Variants in ERICH1 observed in about 807,000 individuals in gnomAD.
The protein encoded by ERICH1 is glutamate-rich protein 1.
ERICH1 carries 56 observed loss-of-function variants against 39.6 expected under a neutral mutation model. The ratio of observed to expected loss-of-function variants is 1.41; its 90% confidence interval spans 1.14 to 1.77. ERICH1 has a LOEUF of 1.77. Among genes scored for constraint, ERICH1 ranks in the 40% most tolerant of loss-of-function variants. The probability of loss-of-function intolerance (pLI) is 0.00; values close to 1 mark genes in which losing one functional copy is unlikely to be tolerated. For missense variants in ERICH1, 826 were observed against 575.4 expected (o/e 1.44, Z -4.45); for synonymous variants, 313 against 223.6 (o/e 1.40, Z -3.57).
chr8:632,945 C>A, intron 3 of ERICH1, among the ~76,000 whole-genome samples: 1 of 152,200 alleles, frequency 6.6e-6, no homozygotes, highest in East Asian at 1.9e-4. Context: ...AGCAAAGAGC[C>A]GTTTAGGCAA....
chr8:701,854 G>A (rs1304457801), intron 2 of ERICH1, among the ~76,000 whole-genome samples: 1 of 152,090 alleles, frequency 6.6e-6, no homozygotes, highest in Non-Finnish European at 1.5e-5. Context: ...CACTTTGGGA[G>A]GCTGAGGCAA....
intron 3 of ERICH1, among the ~76,000 whole-genome samples, chr8:650,148 G>A (rs1184473748): frequency 6.6e-6 from 1 of 152,216 alleles, no homozygotes; most frequent in African/African-American, 2.4e-5. Flanking sequence ...AGCTGAGGGC[G>A]CTTGCGTGTC....
At chr8:635,015 C>A (rs770484842) in intron 3 of ERICH1, among the ~76,000 whole-genome samples, 2 of 152,012 alleles carry the variant, frequency 1.3e-5, no homozygotes, top group Non-Finnish European at 2.9e-5. Context: ...AGCCTGGCCA[C>A]CCGTGGCTTC....
At chr8:676,645 A>G (rs950739200) in intron 3 of ERICH1, among the ~76,000 whole-genome samples, 7 of 152,196 alleles carry the variant, frequency 4.6e-5, no homozygotes, top group Admixed American at 3.3e-4. Flanking sequence ...CAGACGGCAC[A>G]TGGCGCACAC....
intron 5 of ERICH1, among the ~76,000 whole-genome samples, chr8:665,520 C>G (rs1265328709): frequency 6.6e-6 from 1 of 152,190 alleles, no homozygotes; most frequent in Admixed American, 6.5e-5. Flanking sequence ...CAGGCTCCAT[C>G]CCGCCCAGGG....
chr8:670,307 C>G (rs912549635), intron 4 of ERICH1, among the ~76,000 whole-genome samples: 2 of 151,158 alleles, frequency 1.3e-5, no homozygotes, highest in African/African-American at 4.8e-5. Flanking sequence ...ATAACATCGG[C>G]CTCTCCCACT....
intron 3 of ERICH1, chr8:626,393 C>A (rs1234411853): frequency 2.6e-5 from 4 of 152,180 alleles, no homozygotes; most frequent in African/African-American, 9.7e-5. Context: ...CACGTCCTAG[C>A]CTCTGCCGGG....
chr8:629,479 A>G (rs1477852779), intron 3 of ERICH1, among the ~76,000 whole-genome samples: 2 of 144,030 alleles, frequency 1.4e-5, no homozygotes, highest in African/African-American at 5.2e-5. Context: ...ACCCACACAG[A>G]CAGAGCTGAC....
At chr8:683,873 A>G (rs1177069251) in intron 3 of ERICH1, among the ~76,000 whole-genome samples, 3 of 152,222 alleles carry the variant, frequency 2.0e-5, no homozygotes, top group Non-Finnish European at 4.4e-5. Context: ...ACATTATTTC[A>G]TAATCTTCAA....
At chr8:676,661 G>A (rs1024746491) in intron 3 of ERICH1, among the ~76,000 whole-genome samples, 6 of 152,150 alleles carry the variant, frequency 3.9e-5, no homozygotes, top group Non-Finnish European at 8.8e-5. Context: ...CACACGCCCC[G>A]CCCCACACCC....
chr8:682,618 T>C (rs1029307791), intron 3 of ERICH1, among the ~76,000 whole-genome samples: 1 of 152,238 alleles, frequency 6.6e-6, no homozygotes, highest in African/African-American at 2.4e-5. Context: ...ATTGGAGCAG[T>C]GCGCTTTGAA....
At chr8:676,818 C>A (rs952652018) in intron 3 of ERICH1, among the ~76,000 whole-genome samples, 1 of 152,234 alleles carries the variant, frequency 6.6e-6, no homozygotes, top group African/African-American at 2.4e-5. Context: ...TCAGACAGTT[C>A]TCATTTTAGG....
rs1375322816 is a variant in ERICH1 at position 644,919 on chromosome 8, C to A, written c.976+23679G>T. ...GCTGAGCACTTGCGGGAGGCTGGGA[C>A]CCGAACACACTGTCTGTTCTCTCAG... On this transcript the variant is annotated intron_variant, in intron 3 of 3. Transcript: ENST00000522706. Among the ~76,000 whole-genome samples, 2 of 69,032 alleles carry A rather than the reference C, an allele frequency of 2.9e-5. 1 individual carries two copies. Among genetic ancestry groups the A allele is most frequent in the African/African-American group, 7.3e-5 (2 of 27,424 alleles). 45.3% of individuals were successfully genotyped at this position (69,032 alleles called of 152,430 possible). A position where few individuals can be genotyped will look rare whatever the true frequency, so the allele number is the denominator to read the frequency against.
At chr8:631,789 C>T (rs1367346045) in intron 3 of ERICH1, among the ~76,000 whole-genome samples, 1 of 152,170 alleles carries the variant, frequency 6.6e-6, no homozygotes, top group Non-Finnish European at 1.5e-5. Context: ...TGTTTACAGG[C>T]ACTGACTAAT....
intron 5 of ERICH1, chr8:665,916 C>T (rs926313082): frequency 3.9e-5 from 6 of 152,242 alleles, no homozygotes; most frequent in Admixed American, 6.5e-5. Context: ...GCTAGTTTTA[C>T]GGAAAAAACC....
chr8:618,594 A>G lies in ERICH1; in HGVS notation c.977-3310T>C, dbSNP rs572388247. The stretch of plus-strand genomic sequence containing the variant: ...CCACTGTCTTTCAGAGACCTTGGGC[A>G]ACATTACCAAATCCTTCAGGCCTCA... On this transcript the variant is annotated intron_variant, in intron 3 of 3. Coordinates refer to the ERICH1 transcript ENST00000522706. Among the ~76,000 whole-genome samples, 11 of 152,294 alleles carry G rather than the reference A, an allele frequency of 7.2e-5. No homozygotes were observed. The South Asian group carries it at 1.0e-3, about 14-fold the overall frequency.
At chr8:694,954 G>T (rs986662498) in intron 2 of ERICH1, among the ~76,000 whole-genome samples, 1 of 152,088 alleles carries the variant, frequency 6.6e-6, no homozygotes, top group East Asian at 1.9e-4. Flanking sequence ...GGGTCAGAGA[G>T]GGGCAGTCAG....
Position 673,996 on chromosome 8 carries a change from G to C in ERICH1, c.356C>G (p.Ser119Ter). 6.3e-7 allele frequency: 1 copy of C among 1,582,344 alleles called. No individual in the cohort carries two copies. The highest frequency in any genetic ancestry group is 2.2e-5 in the East Asian group (1 of 44,746). The change falls in exon 4 of 6, where the codon TCA becomes TGA. Residue 119 changes from serine to a stop codon, truncating the protein, a stop_gained. Coordinates refer to ENST00000262109, the MANE Select transcript of ERICH1 (RefSeq NM_207332.3). LOFTEE classifies it high-confidence loss of function. ...PKRRRIRKHKSKKKFKNPNNV... is the reference protein window; with the variant it reads ...PKRRRIRKHK ...ATTGGGATTTTTAAATTTTTTCTTT[G>C]ATTTATGCTTCCTAATTCTTCTTCT... is the stretch of plus-strand genomic sequence containing the variant.
chr8:674,705 A>G (rs1274436973), intron 3 of ERICH1, among the ~76,000 whole-genome samples: 1 of 152,204 alleles, frequency 6.6e-6, no homozygotes, highest in East Asian at 1.9e-4. Flanking sequence ...TTATTTTACA[A>G]TTTAGTCCTT....
Sources: gnomAD v4.1 joint callset for allele counts (sites outside exome capture counted in the v4.1 genomes callset) on GRCh38, gnomAD v4.1.1 for gene constraint, MANE v1.5 for transcripts, NCBI Gene and HGNC (gene_info 2026-07-23, HGNC 2026-07-21) for gene names.